The following GSE1 variants were observed in gnomAD, a reference collection of about 807,000 sequenced individuals.
GSE1 encodes Gse1 coiled-coil protein, also known as genetic suppressor element 1.
In GSE1, 32 loss-of-function variants were observed where a neutral mutation model predicts 112.6. That is an observed-to-expected ratio of 0.28 (90% confidence interval 0.21 to 0.38). The LOEUF is 0.38. Among genes scored for constraint, GSE1 ranks in the 10% least tolerant of loss-of-function variants. The pLI, the probability that GSE1 is intolerant of heterozygous loss-of-function variation, is 1.00. For missense variants in GSE1, 2,348 were observed against 1,699.2 expected (o/e 1.38, Z -6.71); for synonymous variants, 1,115 against 735.6 (o/e 1.52, Z -8.35).
intron 1 of GSE1, among the ~76,000 whole-genome samples, chr16:85,306,963 G>A (rs2966869): frequency 0.03 from 4,605 of 152,304 alleles, 240 homozygotes; most frequent in African/African-American, 0.11. Flanking sequence ...CACATCCAGC[G>A]CTGTGCCCAA....
At chr16:85,592,790 CTCAG>C (rs2047056161) in intron 1 of GSE1, 1 of 152,480 alleles carries the variant, frequency 6.6e-6, no homozygotes, top group African/African-American at 2.4e-5. Flanking sequence ...CTCTCTGTGC[CTCAG>C]TCAATAGGGA....
upstream of GSE1, chr16:85,555,203 A>G (rs962867103): frequency 1.1e-4 from 112 of 985,218 alleles, no homozygotes; most frequent in African/African-American, 1.8e-3. Flanking sequence ...CAGCTTTCCA[A>G]TTTACCGATA....
chr16:85,498,508 TAC>T (rs1354908454), intron 2 of GSE1, among the ~76,000 whole-genome samples: 3 of 151,894 alleles, frequency 2.0e-5, no homozygotes, highest in African/African-American at 7.3e-5. Flanking sequence ...CACACAAACA[TAC>T]ACAGAGATAC....
chr16:85,525,685 G>A (rs2052344248), intron 2 of GSE1, among the ~76,000 whole-genome samples: 1 of 152,208 alleles, frequency 6.6e-6, no homozygotes, highest in Admixed American at 6.5e-5. Context: ...AGTGTGTTTT[G>A]TGATTAGACC....
At chr16:85,538,657 G>A (rs990672715) in intron 2 of GSE1, among the ~76,000 whole-genome samples, 3 of 152,152 alleles carry the variant, frequency 2.0e-5, no homozygotes, top group Non-Finnish European at 2.9e-5. Flanking sequence ...AGGCCCCTGT[G>A]GGGAGGAAGT....
Position 85,299,385 on chromosome 16 carries a change from T to G in GSE1, c.2284-58078T>G, listed in dbSNP as rs528099990. 2.6e-5 allele frequency among the ~76,000 whole-genome samples: 4 copies of G among 152,300 alleles called. No individual in the cohort carries two copies. The South Asian group carries it at 8.3e-4, about 32-fold the overall frequency. On this transcript the variant is annotated intron_variant, in intron 1 of 2. Transcript: ENST00000637419. ...CTGGATTTCTGAGTCCTGGGCTGCC[T>G]TCTCTATATCCTCTCCAACCCCCCT...
At chr16:85,320,257 C>T (rs1335053745) in intron 1 of GSE1, among the ~76,000 whole-genome samples, 11 of 152,252 alleles carry the variant, frequency 7.2e-5, no homozygotes, top group African/African-American at 2.6e-4. Flanking sequence ...GAGTGGGCGG[C>T]GCATGAGTTA....
chr16:85,654,461 C>A lies in GSE1; in HGVS notation c.599+11C>A. 1.9e-6 allele frequency: 3 copies of A among 1,555,520 alleles called. No individual in the cohort carries two copies. The highest frequency in any genetic ancestry group is 2.6e-6 in the Non-Finnish European group (3 of 1,149,666). On this transcript the variant is annotated intron_variant, in intron 4 of 15. Coordinates refer to ENST00000253458, the MANE Select transcript of GSE1 (RefSeq NM_014615.5). ...CTTCCCGCCACTCAAGTAAGTTGGT[C>A]GGCGGGGACTTCGGTGAGGTGGCCA...
chr16:85,569,544 G>A (rs1237915180), intron 1 of GSE1, among the ~76,000 whole-genome samples: 1 of 152,232 alleles, frequency 6.6e-6, no homozygotes, highest in Non-Finnish European at 1.5e-5. Context: ...GCTTAGTGTG[G>A]TGTCTAGGCT....
At chr16:85,626,791 G>C (rs2049105973) in intron 1 of GSE1, among the ~76,000 whole-genome samples, 10 of 152,138 alleles carry the variant, frequency 6.6e-5, no homozygotes, top group Admixed American at 6.5e-4. Flanking sequence ...CGGGAGGGCG[G>C]CTGGCACGCT....
At chr16:85,361,303 A>G (rs908747694) in intron 2 of GSE1, among the ~76,000 whole-genome samples, 2 of 103,426 alleles carry the variant, frequency 1.9e-5, no homozygotes, top group Non-Finnish European at 3.9e-5. Context: ...ACACACAGAG[A>G]CAGGCACAGA....
At chr16:85,652,311 C>A (rs947834203) in intron 3 of GSE1, among the ~76,000 whole-genome samples, 1 of 152,254 alleles carries the variant, frequency 6.6e-6, no homozygotes, top group Non-Finnish European at 1.5e-5. Flanking sequence ...GCCACTCCCC[C>A]ACTACCCCGG....
intron 1 of GSE1, among the ~76,000 whole-genome samples, chr16:85,226,696 C>T (rs2075491809): frequency 6.6e-6 from 1 of 151,254 alleles, no homozygotes; most frequent in Non-Finnish European, 1.5e-5. Context: ...TGATGGGTGT[C>T]CCCTGCTGGG....
At chr16:85,542,588 A>T (rs1354673648) in intron 2 of GSE1, among the ~76,000 whole-genome samples, 1 of 152,240 alleles carries the variant, frequency 6.6e-6, no homozygotes, top group Non-Finnish European at 1.5e-5. Flanking sequence ...AAACAACCGG[A>T]AAGGCTGTCT....
intron 1 of GSE1, among the ~76,000 whole-genome samples, chr16:85,307,996 C>T (rs1208766491): frequency 2.6e-5 from 4 of 152,240 alleles, no homozygotes; most frequent in East Asian, 1.9e-4. Context: ...TCCTCAGGGG[C>T]GGGCTTGGTT....
chr16:85,612,161 G>T (rs2048028358), upstream of GSE1, among the ~76,000 whole-genome samples: 1 of 151,820 alleles, frequency 6.6e-6, no homozygotes, highest in Non-Finnish European at 1.5e-5. Flanking sequence ...AAGGCGGCAG[G>T]GGAGGCTCGC....
In GSE1 at chr16:85,673,885, TC is replaced by T. The variant is rs1186417480; in HGVS notation, c.*1347del. ...TGAGAGCAGGTACAGAATAGGAACT[TC>T]AGAGGCTTTGTTTAAACGCAAAGCT... On this transcript the variant is annotated 3_prime_UTR_variant, in exon 16 of 16. Coordinates refer to ENST00000253458, the MANE Select transcript of GSE1 (RefSeq NM_014615.5). 2 of 152,210 alleles carry T rather than the reference TC, an allele frequency of 1.3e-5. No homozygotes were observed. Among genetic ancestry groups the T allele is most frequent in the Non-Finnish European group, 2.9e-5 (2 of 68,034 alleles). The allele number at this position is 152,210 out of a possible 1,614,324, so 9.4% of individuals were successfully genotyped here.
exon 1 of GSE1, chr16:85,170,485 G>A (rs1446132946): frequency 2.3e-5 from 23 of 985,596 alleles, no homozygotes; most frequent in Non-Finnish European, 2.8e-5. Context: ...CACCTCCGAG[G>A]ACAGTGACAT....
At chr16:85,334,916 C>T (rs895189058) in intron 1 of GSE1, among the ~76,000 whole-genome samples, 1 of 152,200 alleles carries the variant, frequency 6.6e-6, no homozygotes, top group Non-Finnish European at 1.5e-5. Context: ...CAACTTTTAT[C>T]ACCAGGGAGA....
Sources: allele counts gnomAD v4.1 joint callset (sites outside exome capture counted in the v4.1 genomes callset), GRCh38; gene constraint gnomAD v4.1.1; transcripts MANE v1.5; gene names NCBI Gene and HGNC (gene_info 2026-07-23, HGNC 2026-07-21).